Variants in ST6GAL2 observed in about 807,000 individuals in gnomAD.
The protein encoded by ST6GAL2 is beta-galactoside alpha-2,6-sialyltransferase 2.
In ST6GAL2, 24 loss-of-function variants were observed where a neutral mutation model predicts 37.5. The ratio of observed to expected loss-of-function variants is 0.64; its 90% CI spans 0.46 to 0.90. The LOEUF (loss-of-function observed/expected upper bound fraction) is 0.90, where lower values mean the gene tolerates loss of function less well. ST6GAL2 is among the 40% of genes least tolerant of loss of function. The pLI is 0.00. For synonymous variants in ST6GAL2, 306 were observed against 295.1 expected (o/e 1.04, Z -0.38); for missense variants, 715 against 712.7 (o/e 1.00, Z -0.04).
chr2:106,829,915 A>G (rs1573231591), intron 5 of ST6GAL2, 151 bp downstream of exon 5: 3 of 9,768 alleles, frequency 3.1e-4, no homozygotes, highest in Non-Finnish European at 6.0e-4. Flanking sequence ...CTGAAATCTG[A>G]AAAAAAAAAA....
intron 1 of ST6GAL2, among the ~76,000 whole-genome samples, chr2:106,883,330 T>G (rs982533347): frequency 1.3e-5 from 2 of 152,190 alleles, no homozygotes; most frequent in Non-Finnish European, 2.9e-5. Flanking sequence ...AGAAAGAAAT[T>G]TCTCAAAAGT....
At chr2:106,845,232 G>A (rs892644587) in intron 1 of ST6GAL2, among the ~76,000 whole-genome samples, 1 of 152,164 alleles carries the variant, frequency 6.6e-6, no homozygotes, top group African/African-American at 2.4e-5. Context: ...AAACATAATT[G>A]GAAAGCTATC....
At chr2:106,814,576 G>A (rs998953734) in intron 5 of ST6GAL2, among the ~76,000 whole-genome samples, 3 of 151,932 alleles carry the variant, frequency 2.0e-5, no homozygotes, top group African/African-American at 7.3e-5. Context: ...GGAGTTCCAC[G>A]TCTATGTGTA....
rs1450612303 is a variant in ST6GAL2, at chr2:106,802,159, G to A, written c.*4519C>T. The A allele has an allele frequency of 6.6e-6, 1 of 151,872 alleles. No individual in the cohort carries two copies. The highest frequency in any genetic ancestry group is 1.9e-4 in the East Asian group (1 of 5,192). 9.4% of individuals were successfully genotyped at this position (151,872 alleles called of 1,614,324 possible). On this transcript the variant is annotated 3_prime_UTR_variant, in exon 6 of 6. Coordinates refer to ENST00000409382, the MANE Select transcript of ST6GAL2 (RefSeq NM_001142351.2). ...TGCAGAGTATGAGTGTGTGGGAAGC[G>A]GTTGGCGGAGGACTGAATTTTTTTT...
In ST6GAL2 at chr2:106,832,649, G is replaced by A; in HGVS notation, c.1059C>T (p.Ser353=). 1.2e-6 allele frequency: 2 copies of A among 1,611,402 alleles called. No individual in the cohort carries two copies. Among genetic ancestry groups the A allele is most frequent in the African/African-American group, 2.7e-5 (2 of 74,950 alleles). ...ACAGTGAACTGTCAATGAAGTGATG[G>A]CTGGGGTTGGTCAGAATCTGCAAAC... The part of the protein sequence containing the change: ...IINSQILTNP[S]HHFIDSSLYK... Residue 353 remains serine (S), a synonymous_variant, in exon 4 of 6, where the codon AGC becomes AGT. Coordinates refer to ENST00000409382, the MANE Select transcript of ST6GAL2 (RefSeq NM_001142351.2).
intron 5 of ST6GAL2, chr2:106,813,248 A>G: frequency 1.5e-6 from 2 of 1,310,458 alleles, no homozygotes; most frequent in Non-Finnish European, 2.0e-6. Context: ...TCATTTGAAG[A>G]AAATAAGTAT....
rs115707654 is a variant in ST6GAL2 at position 106,808,435 on chromosome 2, G to C, written c.1319-1486C>G. Among the ~76,000 whole-genome samples, 333 of 152,338 alleles carry C rather than the reference G, an allele frequency of 2.2e-3. 2 individuals are homozygous for C. The highest frequency in any genetic ancestry group is 7.8e-3 in the African/African-American group (324 of 41,578). On this transcript the variant is annotated intron_variant, in intron 5 of 5. Transcript: ENST00000409382. The stretch of plus-strand genomic sequence containing the variant: ...GATTATGCACTTCAAATTCTATGCA[G>C]TCAAGTTGCTCTCAAGAGCGATGGT...
chr2:106,857,389 G>A (rs1467507572), intron 1 of ST6GAL2, among the ~76,000 whole-genome samples: 1 of 152,122 alleles, frequency 6.6e-6, no homozygotes, highest in African/African-American at 2.4e-5. Context: ...GATCATCTAA[G>A]GTCAGGAGTT....
At chr2:106,834,606 A>C (rs1410153765) in intron 2 of ST6GAL2, 2 of 153,516 alleles carry the variant, frequency 1.3e-5, no homozygotes, top group Non-Finnish European at 2.9e-5. Context: ...TGTATGCTTA[A>C]AAAGAAAGCC....
chr2:106,826,908 G>A (rs1676229871), intron 5 of ST6GAL2, among the ~76,000 whole-genome samples: 1 of 152,180 alleles, frequency 6.6e-6, no homozygotes, highest in Admixed American at 6.5e-5. Context: ...CACCTCCAGT[G>A]CAGCCCTTTG....
intron 1 of ST6GAL2, among the ~76,000 whole-genome samples, chr2:106,878,960 C>T (rs1283200675): frequency 6.6e-6 from 1 of 152,150 alleles, no homozygotes; most frequent in East Asian, 1.9e-4. Context: ...GTAAGACACA[C>T]ACATTAAGCA....
At position 106,826,770 on chromosome 2, in the gene ST6GAL2, A is replaced by C. The variant is rs191591225; in HGVS notation, c.1318+3296T>G. Among the ~76,000 whole-genome samples the C allele has an allele frequency of 5.9e-5, 9 of 152,354 alleles. No homozygotes were observed. The East Asian group carries it at 1.5e-3, about 26-fold the overall frequency. ...GGCATGGGAGACTATAAGGATGAAC[A>C]TATCAGTAAAGGTTTCAGCCAAAAA... On this transcript the variant is annotated intron_variant, in intron 5 of 5. Coordinates refer to ENST00000409382, the MANE Select transcript of ST6GAL2 (RefSeq NM_001142351.2).
intron 1 of ST6GAL2, among the ~76,000 whole-genome samples, chr2:106,869,282 G>T (rs1056909953): frequency 5.2e-4 from 79 of 152,264 alleles, no homozygotes; most frequent in African/African-American, 1.8e-3. Flanking sequence ...AAAGGGGTGT[G>T]GGCCTCTGGC....
intron 4 of ST6GAL2, 34 bp downstream of exon 4, chr2:106,832,531 C>T (rs760859921): frequency 2.6e-6 from 3 of 1,135,676 alleles, no homozygotes; most frequent in Non-Finnish European, 3.9e-6. Flanking sequence ...CATTGTCTGA[C>T]CGTTGGGGTG....
intron 1 of ST6GAL2, among the ~76,000 whole-genome samples, chr2:106,875,328 C>A (rs1678459261): frequency 6.6e-6 from 1 of 151,956 alleles, no homozygotes; most frequent in Non-Finnish European, 1.5e-5. Flanking sequence ...AGGTGAGTGC[C>A]ACCACTCTTG....
At chr2:106,815,604 C>T (rs930232822) in intron 5 of ST6GAL2, among the ~76,000 whole-genome samples, 4 of 152,184 alleles carry the variant, frequency 2.6e-5, no homozygotes, top group Non-Finnish European at 5.9e-5. Flanking sequence ...AGATGACACG[C>T]ATTACAATAA....
At chr2:106,810,345 G>A (rs1675558587) in intron 5 of ST6GAL2, among the ~76,000 whole-genome samples, 1 of 152,302 alleles carries the variant, frequency 6.6e-6, no homozygotes, top group South Asian at 2.1e-4. Flanking sequence ...AGAGGGATTT[G>A]TCAGTTAGCT....
At chr2:106,873,372 G>A (rs183474946) in intron 1 of ST6GAL2, among the ~76,000 whole-genome samples, 10 of 152,278 alleles carry the variant, frequency 6.6e-5, no homozygotes, top group Admixed American at 3.3e-4. Flanking sequence ...ACTCCCCCTG[G>A]GGCAGAAGTA....
intron 1 of ST6GAL2, among the ~76,000 whole-genome samples, chr2:106,870,788 T>C (rs1678230718): frequency 6.6e-6 from 1 of 151,946 alleles, no homozygotes; most frequent in African/African-American, 2.4e-5. Flanking sequence ...AGGACAACAA[T>C]ATAATTAAAA....
Sources: allele counts gnomAD v4.1 joint callset (sites outside exome capture counted in the v4.1 genomes callset), GRCh38; gene constraint gnomAD v4.1.1; transcripts MANE v1.5; gene names NCBI Gene and HGNC (gene_info 2026-07-23, HGNC 2026-07-21).